The following BNIP3L variants were observed in gnomAD, a reference collection of about 807,000 sequenced individuals.
BNIP3L encodes BCL2 interacting protein 3 like.
Under a neutral mutation model 25.5 loss-of-function variants are expected in BNIP3L, and 10 were observed. That is an observed-to-expected ratio of 0.39 (90% CI 0.24 to 0.67). The LOEUF (loss-of-function observed/expected upper bound fraction) is 0.67. BNIP3L is among the 30% of genes least tolerant of loss of function. BNIP3L has a pLI of 0.45. For synonymous variants in BNIP3L, 113 were observed against 101.2 expected (o/e 1.12, Z -0.70); for missense variants, 215 against 270.9 (o/e 0.79, Z 1.45).
At chr8:26,406,776 T>G (rs2117494196) in intron 3 of BNIP3L, among the ~76,000 whole-genome samples, 1 of 151,842 alleles carries the variant, frequency 6.6e-6, no homozygotes, top group Admixed American at 6.6e-5. Context: ...AAGCTGTGAT[T>G]GCACTCTGGC....
Position 26,383,092 on chromosome 8 carries a change from C to T in BNIP3L, c.-39C>T, listed in dbSNP as rs1395309188. 2.6e-6 allele frequency: 4 copies of T among 1,533,086 alleles called. No homozygotes were observed. The highest frequency in any genetic ancestry group is 2.7e-6 in the Non-Finnish European group (3 of 1,128,418). The allele number at this position is 1,533,086 out of a possible 1,614,324, so 95.0% of individuals were successfully genotyped here. A position where few individuals can be genotyped will look rare whatever the true frequency, so the allele number is the denominator to read the frequency against. On this transcript the variant is annotated 5_prime_UTR_variant, in exon 1 of 6. It adds an upstream start codon to the 5' untranslated region. Transcript: ENST00000380629. The stretch of plus-strand genomic sequence containing the variant: ...TGTGTTGCTGCCTGAGTGCCGGAGA[C>T]GGTCCTGCTGCTGCCGCAGTCCTGC...
At chr8:26,396,051 G>T (rs1271156483) in intron 3 of BNIP3L, 1 of 151,448 alleles carries the variant, frequency 6.6e-6, no homozygotes, top group Non-Finnish European at 1.5e-5. Context: ...TGGGGGAGGG[G>T]CGCCCGCCAT....
chr8:26,383,218 G>A lies in BNIP3L; in HGVS notation c.88G>A (p.Ala30Thr), dbSNP rs1260041949. The A allele has an allele frequency of 1.2e-6, 2 of 1,610,308 alleles. No homozygotes were observed. The highest frequency in any genetic ancestry group is 1.7e-5 in the Admixed American group (1 of 59,652). Residue 30 changes from alanine to threonine, a missense_variant, in exon 1 of 6, where the codon GCC becomes ACC. Ala to Thr is a moderately conservative substitution (Grantham distance 58, BLOSUM62 0). Around this residue, in one of 4 missense-constraint regions of BNIP3L, gnomAD observed 69 missense variants for 53.6 expected, o/e 1.29. Transcript: ENST00000380629. ...AAATGAGCAGTCTCTGCCCCCGCCG[G>A]CCGGCCTCAACAGTGAGTGCGGGGC... is the stretch of plus-strand genomic sequence containing the variant. ...EENEQSLPPP[A>T]GLNSSWVELP...
intron 3 of BNIP3L, among the ~76,000 whole-genome samples, chr8:26,405,284 G>C (rs980513590): frequency 1.3e-5 from 2 of 152,208 alleles, no homozygotes; most frequent in Non-Finnish European, 2.9e-5. Flanking sequence ...GTTGAGTATA[G>C]TCAGATATTG....
intron 5 of BNIP3L, 69 bp from the exon 6 acceptor site, chr8:26,410,286 AAGTAGAGTT>A (rs1221079560): frequency 3.3e-6 from 5 of 1,532,206 alleles, no homozygotes; most frequent in Admixed American, 1.7e-5. Flanking sequence ...GAAGAGTTTT[AAGTAGAGTT>A]CAACCTGTGG....
intron 3 of BNIP3L, among the ~76,000 whole-genome samples, chr8:26,399,994 AT>A (rs1806333050): frequency 6.6e-6 from 1 of 150,680 alleles, no homozygotes. Context: ...ACTGCCCAAG[AT>A]AATTTACAGA....
At chr8:26,407,359 T>C (rs1806524900) in intron 3 of BNIP3L, among the ~76,000 whole-genome samples, 1 of 151,836 alleles carries the variant, frequency 6.6e-6, no homozygotes, top group Admixed American at 6.6e-5. Flanking sequence ...CTAATTTTTT[T>C]GTATTTTTAG....
In BNIP3L at chr8:26,406,610, C is replaced by T. The variant is rs76832584; in HGVS notation, c.358-1390C>T. The stretch of plus-strand genomic sequence containing the variant: ...TGAGGCAGGGAAGATCCCTTGAGCC[C>T]GGGAGTTCAAGACCAGGCTGGGCAA... On this transcript the variant is annotated intron_variant, in intron 3 of 5. Coordinates refer to ENST00000380629, the MANE Select transcript of BNIP3L (RefSeq NM_004331.3). Among the ~76,000 whole-genome samples the T allele has an allele frequency of 8.1e-3, 1,236 of 152,190 alleles. 20 individuals are homozygous for T. The highest frequency in any genetic ancestry group is 0.028 in the African/African-American group (1,164 of 41,538).
Position 26,391,236 on chromosome 8 carries a change from C to G in BNIP3L, c.101-7C>G. The G allele has an allele frequency of 6.3e-7, 1 of 1,577,004 alleles. No homozygotes were observed. On this transcript the variant is annotated splice_region_variant and splice_polypyrimidine_tract_variant and intron_variant, in intron 1 of 5. Transcript: ENST00000380629. The stretch of plus-strand genomic sequence containing the variant: ...GCTGTGGTTAACTTATCTGACTTGT[C>G]CAACAGGTTCCTGGGTGGAGCTACC...
rs535612138 is a variant in BNIP3L at position 26,383,474 on chromosome 8, C to A, written c.100+244C>A. The A allele has an allele frequency of 1.6e-5, 19 of 1,209,004 alleles. No individual in the cohort carries two copies. In the African/African-American group the frequency reaches 3.0e-4, roughly 19 times the overall value. The allele number at this position is 1,209,004 out of a possible 1,614,324, so 74.9% of individuals were successfully genotyped here. A position where few individuals can be genotyped will look rare whatever the true frequency, so the allele number is the denominator to read the frequency against. On this transcript the variant is annotated intron_variant, in intron 1 of 5. Coordinates refer to ENST00000380629, the MANE Select transcript of BNIP3L (RefSeq NM_004331.3). The stretch of plus-strand genomic sequence containing the variant: ...GTTTGGGCTCGCGGTCCGGGAGCGG[C>A]GCGGGTAGCGCGGATCCCCCTGGTG...
At chr8:26,403,285 T>A (rs1444628989) in intron 3 of BNIP3L, among the ~76,000 whole-genome samples, 1 of 152,176 alleles carries the variant, frequency 6.6e-6, no homozygotes, top group Non-Finnish European at 1.5e-5. Context: ...TGCCTTTTTT[T>A]AATGGAAGAA....
intron 1 of BNIP3L, among the ~76,000 whole-genome samples, chr8:26,388,097 T>C (rs1206711393): frequency 6.6e-6 from 1 of 152,210 alleles, no homozygotes; most frequent in Non-Finnish European, 1.5e-5. Flanking sequence ...ACTCTGCAAG[T>C]CTCCATGTGA....
In BNIP3L at chr8:26,391,531, T is replaced by C. The variant is rs945002990; in HGVS notation, c.284+105T>C. ...GCTTAAATCTTCACTTAGCAAAATA[T>C]GCCTCCTGATATATTGTAGTATAAT... On this transcript the variant is annotated intron_variant, in intron 2 of 5. Coordinates refer to ENST00000380629, the MANE Select transcript of BNIP3L (RefSeq NM_004331.3). 1.2e-5 allele frequency: 11 copies of C among 939,406 alleles called. No homozygotes were observed. The South Asian group carries it at 2.0e-4, about 17-fold the overall frequency. The allele number at this position is 939,406 out of a possible 1,614,324, so 58.2% of individuals were successfully genotyped here.
chr8:26,401,938 AGAGTAC>A (rs1806393029), intron 3 of BNIP3L, among the ~76,000 whole-genome samples: 1 of 152,214 alleles, frequency 6.6e-6, no homozygotes, highest in Non-Finnish European at 1.5e-5. Flanking sequence ...AAGTGTCATT[AGAGTAC>A]AAATTCTTGA....
At chr8:26,410,324 G>C in intron 5 of BNIP3L, 40 bp from the exon 6 acceptor site, 1 of 1,612,754 alleles carries the variant, frequency 6.2e-7, no homozygotes, top group Non-Finnish European at 8.5e-7. Flanking sequence ...GTATAGAACT[G>C]TTGAAACAGG....
intron 3 of BNIP3L, among the ~76,000 whole-genome samples, chr8:26,401,607 TAA>T (rs1343657865): frequency 1.0e-4 from 8 of 78,028 alleles, no homozygotes; most frequent in Non-Finnish European, 2.2e-4. Context: ...AGGTACAAAA[TAA>T]AAAAAAAAAA....
At chr8:26,390,832 G>A (rs1036149829) in intron 1 of BNIP3L, among the ~76,000 whole-genome samples, 1 of 152,172 alleles carries the variant, frequency 6.6e-6, no homozygotes, top group African/African-American at 2.4e-5. Flanking sequence ...AGCAGATACA[G>A]CTGAGCAGCT....
chr8:26,394,425 C>T (rs867047006), intron 2 of BNIP3L, among the ~76,000 whole-genome samples: 5 of 151,910 alleles, frequency 3.3e-5, no homozygotes, highest in Admixed American at 2.0e-4. Flanking sequence ...TCATTAGGGA[C>T]CCCAAAAAAC....
At chr8:26,393,535 G>T (rs936247709) in intron 2 of BNIP3L, among the ~76,000 whole-genome samples, 1 of 151,714 alleles carries the variant, frequency 6.6e-6, no homozygotes, top group African/African-American at 2.4e-5. Context: ...TGTGCCATGG[G>T]TGAAGCTCTA....
Sources: gnomAD v4.1 joint callset for allele counts (sites outside exome capture counted in the v4.1 genomes callset) on GRCh38, gnomAD v4.1.1 for gene constraint, gnomAD v4.1.1 regional missense constraint, MANE v1.5 for transcripts, NCBI Gene and HGNC (gene_info 2026-07-23, HGNC 2026-07-21) for gene names.